Variants in ZNF431 observed in about 807,000 individuals in gnomAD.
ZNF431 encodes the protein zinc finger protein 431.
Under a neutral mutation model 57.0 loss-of-function variants are expected in ZNF431, and 34 were observed. The observed-to-expected ratio is 0.60, with a 90% CI of 0.45 to 0.79. The LOEUF (loss-of-function observed/expected upper bound fraction) is 0.79, where lower values mean the gene tolerates loss of function less well. ZNF431 is among the 30% of genes least tolerant of loss of function. ZNF431 has a pLI of 0.00. For missense variants in ZNF431, 607 were observed against 667.1 expected (o/e 0.91, Z 0.99); for synonymous variants, 207 against 220.3 (o/e 0.94, Z 0.54).
intron 4 of ZNF431, among the ~76,000 whole-genome samples, chr19:21,181,176 T>C (rs188621425): frequency 1.8e-4 from 28 of 152,292 alleles, no homozygotes; most frequent in Admixed American, 6.5e-4. Context: ...GCATTTTTTT[T>C]CCCAGAGAAT....
chr19:21,172,305 GTA>G, intron 4 of ZNF431, among the ~76,000 whole-genome samples: 1 of 150,580 alleles, frequency 6.6e-6, no homozygotes, highest in Non-Finnish European at 1.5e-5. Flanking sequence ...GTGTATGTGT[GTA>G]ATTTGAGCTA....
chr19:21,143,026 T>TA (rs1490543405), intron 1 of ZNF431, among the ~76,000 whole-genome samples: 1 of 152,158 alleles, frequency 6.6e-6, no homozygotes, highest in Non-Finnish European at 1.5e-5. Flanking sequence ...AGCAGGGTCT[T>TA]AAGTCTAACC....
At position 21,192,388 on chromosome 19, in the gene ZNF431, G is replaced by C. The variant is rs1484451943; in HGVS notation, c.*8354G>C. ...TCCCTACGTTGGCCAGACTGGTCTT[G>C]AACTCCTGACCTTGTGATCCGCCCA... On this transcript the variant is annotated 3_prime_UTR_variant, in exon 5 of 5. Transcript: ENST00000311048. 1.3e-5 allele frequency: 2 copies of C among 152,096 alleles called. No individual in the cohort carries two copies. The highest frequency in any genetic ancestry group is 2.9e-5 in the Non-Finnish European group (2 of 68,028). The allele number at this position is 152,096 out of a possible 1,614,324, so 9.4% of individuals were successfully genotyped here.
chr19:21,180,815 T>C (rs1971187780), intron 4 of ZNF431, among the ~76,000 whole-genome samples: 1 of 151,924 alleles, frequency 6.6e-6, no homozygotes, highest in African/African-American at 2.4e-5. Context: ...GGCATGGTGG[T>C]GCACACCTGT....
Position 21,192,909 on chromosome 19 carries a change from A to G in ZNF431, c.*8875A>G, listed in dbSNP as rs1971535162. 1 of 152,178 alleles carries G rather than the reference A, an allele frequency of 6.6e-6. No individual in the cohort carries two copies. Among genetic ancestry groups the G allele is most frequent in the African/African-American group, 2.4e-5 (1 of 41,448 alleles). 9.4% of individuals were successfully genotyped at this position (152,178 alleles called of 1,614,324 possible). On this transcript the variant is annotated 3_prime_UTR_variant, in exon 5 of 5. Coordinates refer to ENST00000311048, the MANE Select transcript of ZNF431 (RefSeq NM_133473.4). ...ATCACAACTAATTCTGCATACATACAAAAAAAGTCAGAGACTACTATGAAC... is the reference window on the plus strand; with the variant it reads ...ATCACAACTAATTCTGCATACATACGAAAAAAGTCAGAGACTACTATGAAC...
At chr19:21,175,211 C>T (rs988096792) in intron 4 of ZNF431, among the ~76,000 whole-genome samples, 1 of 152,044 alleles carries the variant, frequency 6.6e-6, no homozygotes, top group East Asian at 1.9e-4. Flanking sequence ...CATCCCAAAC[C>T]GAGATAGTTT....
intron 2 of ZNF431, among the ~76,000 whole-genome samples, chr19:21,152,330 A>G (rs79399687): frequency 2.2e-3 from 340 of 152,286 alleles, no homozygotes; most frequent in Non-Finnish European, 3.9e-3. Context: ...AGCGATAATA[A>G]AAAGTTCAGG....
In ZNF431 at chr19:21,184,300, A is replaced by G. The variant is rs951903733; in HGVS notation, c.*266A>G. The G allele has an allele frequency of 6.8e-6, 2 of 294,408 alleles. No homozygotes were observed. Among genetic ancestry groups the G allele is most frequent in the Non-Finnish European group, 1.3e-5 (2 of 159,344 alleles). The allele number at this position is 294,408 out of a possible 1,614,324, so 18.2% of individuals were successfully genotyped here. A position where few individuals can be genotyped will look rare whatever the true frequency, so the allele number is the denominator to read the frequency against. ...GGGAGGTGGAAGTTGCAGTGAGCCA[A>G]GATTGTACCACTGCACTCCAGTTTG... On this transcript the variant is annotated 3_prime_UTR_variant, in exon 5 of 5. Transcript: ENST00000311048.
intron 2 of ZNF431, among the ~76,000 whole-genome samples, chr19:21,154,066 C>G (rs1454096035): frequency 1.3e-5 from 2 of 152,116 alleles, no homozygotes; most frequent in Non-Finnish European, 2.9e-5. Flanking sequence ...GGTACATGTG[C>G]ACAACGTGCA....
chr19:21,158,412 C>T (rs528103345), intron 2 of ZNF431, among the ~76,000 whole-genome samples: 12 of 152,060 alleles, frequency 7.9e-5, no homozygotes, highest in Non-Finnish European at 1.3e-4. Flanking sequence ...GTTGGTCAGG[C>T]TGGTCTCGAA....
At chr19:21,168,020 T>C (rs948283445) in intron 4 of ZNF431, among the ~76,000 whole-genome samples, 6 of 152,204 alleles carry the variant, frequency 3.9e-5, no homozygotes, top group African/African-American at 1.2e-4. Flanking sequence ...AATTCTTTGT[T>C]AAATTATTTT....
Position 21,158,364 on chromosome 19 carries a change from A to AT in ZNF431, c.97-7963dup, listed in dbSNP as rs548405551. ...AGTCACATGCCACCATGCCTGGCTA[A>AT]TTTTTTTTGTATTTTAATGGAGACA... On this transcript the variant is annotated intron_variant, in intron 2 of 4. Transcript: ENST00000311048. Among the ~76,000 whole-genome samples the AT allele has an allele frequency of 5.9e-5, 9 of 151,704 alleles. No individual in the cohort carries two copies. In the South Asian group the frequency reaches 1.5e-3, roughly 25 times the overall value.
chr19:21,150,048 G>T, intron 2 of ZNF431: 1 of 609,328 alleles, frequency 1.6e-6, no homozygotes, highest in South Asian at 1.6e-5. Flanking sequence ...AGGACACGTG[G>T]TCTCTTAATA....
chr19:21,175,681 T>C (rs1599610960), intron 4 of ZNF431, among the ~76,000 whole-genome samples: 1 of 152,190 alleles, frequency 6.6e-6, no homozygotes, highest in Non-Finnish European at 1.5e-5. Context: ...TGGTGTTTGG[T>C]TTTCTGTTCT....
rs755105940 is a variant in ZNF431, at chr19:21,192,944, C to T, written c.*8910C>T. 9 of 151,962 alleles carry T rather than the reference C, an allele frequency of 5.9e-5. No individual in the cohort carries two copies. The highest frequency in any genetic ancestry group is 8.8e-5 in the Non-Finnish European group (6 of 68,014). The allele number at this position is 151,962 out of a possible 1,614,324, so 9.4% of individuals were successfully genotyped here. On this transcript the variant is annotated 3_prime_UTR_variant, in exon 5 of 5. Coordinates refer to ENST00000311048, the MANE Select transcript of ZNF431 (RefSeq NM_133473.4). ...AGAGACTACTATGAACATCTCTATG[C>T]CTGCAAAATAGAAAATTTGGAGAAA...
chr19:21,153,632 CT>C (rs1442323807), intron 2 of ZNF431, among the ~76,000 whole-genome samples: 1 of 152,186 alleles, frequency 6.6e-6, no homozygotes, highest in Non-Finnish European at 1.5e-5. Flanking sequence ...TTATAATAAA[CT>C]AGTAAACATA....
chr19:21,194,745 C>G lies in ZNF431; in HGVS notation c.*10711C>G, dbSNP rs1376744932. On this transcript the variant is annotated 3_prime_UTR_variant, in exon 5 of 5. Coordinates refer to ENST00000311048, the MANE Select transcript of ZNF431 (RefSeq NM_133473.4). ...CAGGTGCGACCCACCATGCCTGGCC[C>G]AACCCCATATTATTTCTGGTAACAA... 1 of 152,100 alleles carries G rather than the reference C, an allele frequency of 6.6e-6. No homozygotes were observed. The highest frequency in any genetic ancestry group is 1.5e-5 in the Non-Finnish European group (1 of 68,036). The allele number at this position is 152,100 out of a possible 1,614,324, so 9.4% of individuals were successfully genotyped here. A position where few individuals can be genotyped will look rare whatever the true frequency, so the allele number is the denominator to read the frequency against.
At chr19:21,147,079 C>T (rs1055577100) in intron 2 of ZNF431, among the ~76,000 whole-genome samples, 23 of 152,220 alleles carry the variant, frequency 1.5e-4, no homozygotes, top group Non-Finnish European at 1.2e-4. Context: ...TCAGTCCCTT[C>T]AGTTAATTCC....
chr19:21,168,511 C>T (rs1970789543), intron 4 of ZNF431, among the ~76,000 whole-genome samples: 2 of 151,998 alleles, frequency 1.3e-5, no homozygotes, highest in East Asian at 3.9e-4. Flanking sequence ...GGACTACAGG[C>T]ATGTGCCACC....
Sources: allele counts gnomAD v4.1 joint callset (sites outside exome capture counted in the v4.1 genomes callset), GRCh38; gene constraint gnomAD v4.1.1; transcripts MANE v1.5; gene names NCBI Gene and HGNC (gene_info 2026-07-23, HGNC 2026-07-21).